Variants in TPP2 observed in about 807,000 individuals in gnomAD.
TPP2 encodes the protein tripeptidyl-peptidase 2.
Under a neutral mutation model 155.9 loss-of-function variants are expected in TPP2, and 34 were observed. The ratio of observed to expected loss-of-function variants is 0.22; its 90% confidence interval spans 0.17 to 0.29. TPP2 has a LOEUF of 0.29. Among genes scored for constraint, TPP2 ranks in the 10% least tolerant of loss-of-function variants. The probability of loss-of-function intolerance (pLI) is 1.00; values close to 1 mark genes in which losing one functional copy is unlikely to be tolerated. For missense variants in TPP2, 1,028 were observed against 1,522.3 expected (o/e 0.68, Z 5.40); for synonymous variants, 510 against 529.4 (o/e 0.96, Z 0.50).
At chr13:102,610,953 T>G (rs1272830242) in intron 2 of TPP2, among the ~76,000 whole-genome samples, 1 of 152,214 alleles carries the variant, frequency 6.6e-6, no homozygotes. Context: ...GTGATAATCA[T>G]TCCTTTGCTT....
intron 27 of TPP2, among the ~76,000 whole-genome samples, chr13:102,673,132 A>G (rs889299435): frequency 8.5e-5 from 13 of 152,130 alleles, no homozygotes; most frequent in Admixed American, 7.2e-4. Flanking sequence ...GGCATTTTCT[A>G]TGGTACTTAG....
chr13:102,633,847 A>G, intron 10 of TPP2, 103 bp from the exon 11 acceptor site: 1 of 1,504,414 alleles, frequency 6.6e-7, no homozygotes, highest in Non-Finnish European at 9.0e-7. Context: ...TGCAGTTAGT[A>G]CATAGTGTTA....
intron 14 of TPP2, 85 bp from the exon 15 acceptor site, chr13:102,638,153 AT>A (rs1882509665): frequency 7.9e-7 from 1 of 1,270,882 alleles, no homozygotes. Flanking sequence ...AAGTAGATTG[AT>A]TTATTCTGTC....
At chr13:102,670,240 T>G (rs1884882510) in intron 27 of TPP2, among the ~76,000 whole-genome samples, 1 of 152,096 alleles carries the variant, frequency 6.6e-6, no homozygotes, top group Non-Finnish European at 1.5e-5. Context: ...ACTGAAGTAG[T>G]TTATTGGCAG....
intron 6 of TPP2, among the ~76,000 whole-genome samples, chr13:102,626,612 G>T (rs571965198): frequency 3.2e-4 from 48 of 152,276 alleles, no homozygotes; most frequent in African/African-American, 1.1e-3. Context: ...TGCTTTGTCA[G>T]CCTTTAATAT....
At chr13:102,667,432 T>TA (rs1416086437) in intron 27 of TPP2, among the ~76,000 whole-genome samples, 1 of 152,202 alleles carries the variant, frequency 6.6e-6, no homozygotes, top group Non-Finnish European at 1.5e-5. Flanking sequence ...TCTCTACTCT[T>TA]ATGAAACTTA....
chr13:102,626,926 A>G lies in TPP2; in HGVS notation c.785-86A>G, dbSNP rs1881665054. 2.3e-6 allele frequency: 3 copies of G among 1,332,714 alleles called. No homozygotes were observed. In the South Asian group the frequency reaches 6.0e-5, roughly 27 times the overall value. 82.6% of individuals were successfully genotyped at this position (1,332,714 alleles called of 1,614,324 possible). A position where few individuals can be genotyped will look rare whatever the true frequency, so the allele number is the denominator to read the frequency against. On this transcript the variant is annotated intron_variant, in intron 6 of 29. Coordinates refer to ENST00000376052, the MANE Select transcript of TPP2 (RefSeq NM_001330588.2). ...TAGCAGAGTAATGTGTATTCTTTTT[A>G]TCATGATTAATAATATGCAAATTGA...
chr13:102,597,013 G>A lies in TPP2; in HGVS notation c.-26G>A, dbSNP rs770746372. 6.2e-7 allele frequency: 1 copy of A among 1,606,124 alleles called. No individual in the cohort carries two copies. The highest frequency in any genetic ancestry group is 8.5e-7 in the Non-Finnish European group (1 of 1,176,824). On this transcript the variant is annotated 5_prime_UTR_variant, in exon 1 of 30. Coordinates refer to ENST00000376052, the MANE Select transcript of TPP2 (RefSeq NM_001330588.2). The stretch of plus-strand genomic sequence containing the variant: ...TCCGCGCGCAGCCTGGCAGTTTGCC[G>A]CTTCCTCGTCCTCCATCCTGCGTCC...
chr13:102,654,929 G>A (rs1883753819), intron 24 of TPP2: 2 of 482,362 alleles, frequency 4.1e-6, no homozygotes, highest in Admixed American at 2.2e-5. Flanking sequence ...AGAAGGAGAG[G>A]AGCAGGACAG....
intron 24 of TPP2, among the ~76,000 whole-genome samples, chr13:102,654,456 A>G (rs1040324589): frequency 1.3e-5 from 2 of 151,844 alleles, no homozygotes; most frequent in Non-Finnish European, 2.9e-5. Flanking sequence ...CCCACTTTTG[A>G]TAGGTCTTTG....
intron 19 of TPP2, 50 bp downstream of exon 19, chr13:102,645,059 G>GA (rs1566352804): frequency 2.6e-6 from 4 of 1,548,764 alleles, no homozygotes; most frequent in Non-Finnish European, 3.5e-6. Context: ...AGATTGGGGG[G>GA]ATCTCTTACA....
intron 23 of TPP2, 32 bp downstream of exon 23, chr13:102,649,518 C>A: frequency 6.5e-7 from 1 of 1,549,590 alleles, no homozygotes. Context: ...ACTGAAATTA[C>A]CTATTAAAAA....
chr13:102,634,662 T>G (rs952752872), intron 11 of TPP2, among the ~76,000 whole-genome samples: 1 of 152,182 alleles, frequency 6.6e-6, no homozygotes, highest in Non-Finnish European at 1.5e-5. Flanking sequence ...ACACCACAGT[T>G]TCTTCTGCTC....
intron 3 of TPP2, 66 bp downstream of exon 3, chr13:102,614,262 C>A: frequency 2.3e-6 from 3 of 1,319,008 alleles, no homozygotes; most frequent in South Asian, 1.4e-5. Context: ...AGATTTTATT[C>A]CTACTGAAGA....
intron 2 of TPP2, among the ~76,000 whole-genome samples, chr13:102,608,202 T>C (rs1395958777): frequency 6.6e-6 from 1 of 152,230 alleles, no homozygotes; most frequent in Non-Finnish European, 1.5e-5. Context: ...CCTGTCCCAC[T>C]TCTCCCCTAC....
chr13:102,653,401 A>G (rs1200205623), intron 24 of TPP2, among the ~76,000 whole-genome samples: 1 of 151,926 alleles, frequency 6.6e-6, no homozygotes, highest in Non-Finnish European at 1.5e-5. Context: ...GTTTGTTTGT[A>G]TGTTTTTTTA....
rs1879979732 is a variant in TPP2 at position 102,608,005 on chromosome 13, A to C, written c.294+3084A>C. 3.3e-5 allele frequency: 5 copies of C among 152,668 alleles called. No homozygotes were observed. The South Asian group carries it at 1.0e-3, about 31-fold the overall frequency. The allele number at this position is 152,668 out of a possible 1,614,324, so 9.5% of individuals were successfully genotyped here. A position where few individuals can be genotyped will look rare whatever the true frequency, so the allele number is the denominator to read the frequency against. ...TGTGTACCATATGTATTGCTATTAA[A>C]TAAAGTCAAAAAAATTATAAGGTTT... On this transcript the variant is annotated intron_variant, in intron 2 of 29. Transcript: ENST00000376052.
chr13:102,633,478 T>C (rs999674862), intron 10 of TPP2, among the ~76,000 whole-genome samples: 12 of 152,238 alleles, frequency 7.9e-5, no homozygotes, highest in African/African-American at 2.9e-4. Flanking sequence ...TAAAATTAAT[T>C]GCATTAATGT....
intron 19 of TPP2, among the ~76,000 whole-genome samples, 178 bp from the exon 20 acceptor site, chr13:102,646,116 A>C (rs914160732): frequency 6.6e-6 from 1 of 152,254 alleles, no homozygotes; most frequent in Non-Finnish European, 1.5e-5. Flanking sequence ...ATATGATTCA[A>C]TCAAATAATT....
Sources: allele counts gnomAD v4.1 joint callset (sites outside exome capture counted in the v4.1 genomes callset), GRCh38; gene constraint gnomAD v4.1.1; transcripts MANE v1.5; gene names NCBI Gene and HGNC (gene_info 2026-07-23, HGNC 2026-07-21).